The following SCHIP1 variants were observed in gnomAD, a reference collection of about 807,000 sequenced individuals.
The protein encoded by SCHIP1 is schwannomin interacting protein 1.
In SCHIP1, 8 loss-of-function variants were observed where a neutral mutation model predicts 29.7. That is an observed-to-expected ratio of 0.27 (90% CI 0.16 to 0.49). The LOEUF is 0.49. Ranked by LOEUF, SCHIP1 falls within the 20% of genes least tolerant of loss-of-function variation. The probability of loss-of-function intolerance (pLI) is 0.99; values close to 1 mark genes in which losing one functional copy is unlikely to be tolerated. For missense variants in SCHIP1, 193 were observed against 294.6 expected (o/e 0.66, Z 2.52); for synonymous variants, 76 against 94.9 (o/e 0.80, Z 1.16).
chr3:159,594,932 C>T, the SCHIP1 span, among the ~76,000 whole-genome samples: 4 of 151,928 alleles, frequency 2.6e-5, no homozygotes, highest in Middle Eastern at 3.4e-3. Flanking sequence ...CCTGTGTAGA[C>T]CCAGAGCCTA....
the SCHIP1 span, among the ~76,000 whole-genome samples, chr3:159,290,824 A>G: frequency 1.3e-5 from 2 of 152,266 alleles, no homozygotes; most frequent in African/African-American, 4.8e-5. Flanking sequence ...TAATTATCTT[A>G]CTGTTGTAAG....
At chr3:159,342,431 A>C in the SCHIP1 span, among the ~76,000 whole-genome samples, 1 of 152,228 alleles carries the variant, frequency 6.6e-6, no homozygotes, top group African/African-American at 2.4e-5. Context: ...TTACTAAGTC[A>C]GCAGTGTGAA....
the SCHIP1 span, chr3:159,401,133 G>C: frequency 1.0e-6 from 1 of 966,410 alleles, no homozygotes; most frequent in African/African-American, 1.8e-5. Flanking sequence ...TGAGCAACTT[G>C]AAGGCCTCAA....
the SCHIP1 span, among the ~76,000 whole-genome samples, chr3:159,602,863 T>TC: frequency 1.5e-4 from 23 of 152,178 alleles, no homozygotes; most frequent in African/African-American, 5.5e-4. Flanking sequence ...GGGGTATTTT[T>TC]CCCCACACCA....
chr3:159,337,842 T>C, the SCHIP1 span, among the ~76,000 whole-genome samples: 72 of 152,318 alleles, frequency 4.7e-4, no homozygotes, highest in African/African-American at 1.5e-3. Flanking sequence ...AAAATCATTA[T>C]CTTCTTCGTC....
Position 159,870,757 on chromosome 3 carries a change from ATTCTT to A in SCHIP1, c.149+4482_149+4486del, listed in dbSNP as rs367857346. Among the ~76,000 whole-genome samples, 90 of 152,064 alleles carry A rather than the reference ATTCTT, an allele frequency of 5.9e-4. 3 individuals carry two copies. In the South Asian group the frequency reaches 0.018, roughly 30 times the overall value. The stretch of plus-strand genomic sequence containing the variant: ...TTCATGATTGACATGAATCTATTGT[ATTCTT>A]TTCTTCTGACATTTTTGCTTGGTTT... On this transcript the variant is annotated intron_variant, in intron 2 of 6. Coordinates refer to ENST00000445224, the Ensembl canonical transcript of SCHIP1.
At chr3:159,449,153 T>A in the SCHIP1 span, among the ~76,000 whole-genome samples, 2 of 152,376 alleles carry the variant, frequency 1.3e-5, no homozygotes, top group Admixed American at 1.3e-4. Context: ...TAACCTGATG[T>A]CCTTCTGCCT....
chr3:159,692,155 C>T, the SCHIP1 span, among the ~76,000 whole-genome samples: 7 of 151,136 alleles, frequency 4.6e-5, no homozygotes, highest in African/African-American at 9.7e-5. Context: ...CTGCCCTTAA[C>T]ATTTTTTCCT....
chr3:159,703,868 G>A, the SCHIP1 span, among the ~76,000 whole-genome samples: 3 of 152,136 alleles, frequency 2.0e-5, no homozygotes, highest in Admixed American at 2.0e-4. Flanking sequence ...AAGTTCTGAA[G>A]CCTCTATCTC....
chr3:159,652,927 G>C, the SCHIP1 span, among the ~76,000 whole-genome samples: 1 of 152,150 alleles, frequency 6.6e-6, no homozygotes, highest in African/African-American at 2.4e-5. Context: ...GACAAAAATT[G>C]TGTGTTCTCA....
chr3:159,586,717 C>T, the SCHIP1 span, among the ~76,000 whole-genome samples: 1 of 152,118 alleles, frequency 6.6e-6, no homozygotes, highest in African/African-American at 2.4e-5. Flanking sequence ...AATTTCCATG[C>T]TAGGCCTGAG....
chr3:159,459,108 T>G, the SCHIP1 span, among the ~76,000 whole-genome samples: 1 of 152,174 alleles, frequency 6.6e-6, no homozygotes, highest in Non-Finnish European at 1.5e-5. Context: ...TTTTTGATTA[T>G]GCAATATATA....
the SCHIP1 span, among the ~76,000 whole-genome samples, chr3:159,767,004 A>G: frequency 6.6e-6 from 1 of 152,188 alleles, no homozygotes; most frequent in Non-Finnish European, 1.5e-5. Flanking sequence ...CTTCACTTCC[A>G]GCTTTCCTGG....
At chr3:159,330,556 CA>C in the SCHIP1 span, among the ~76,000 whole-genome samples, 1 of 152,062 alleles carries the variant, frequency 6.6e-6, no homozygotes. Flanking sequence ...ATTCCACTGT[CA>C]AAATGACAGA....
the SCHIP1 span, among the ~76,000 whole-genome samples, chr3:159,592,540 G>GC: frequency 6.6e-6 from 1 of 151,476 alleles, no homozygotes; most frequent in African/African-American, 2.4e-5. Context: ...AACACATCGG[G>GC]CCCCTTCCTG....
At chr3:159,752,338 A>AT in the SCHIP1 span, among the ~76,000 whole-genome samples, 4 of 151,746 alleles carry the variant, frequency 2.6e-5, no homozygotes, top group African/African-American at 7.3e-5. Context: ...ATTCCACTAC[A>AT]TTTTTTTTCT....
chr3:159,302,985 C>T, the SCHIP1 span, among the ~76,000 whole-genome samples: 1 of 152,078 alleles, frequency 6.6e-6, no homozygotes. Flanking sequence ...TTATTGAGTG[C>T]TTATATGAGG....
chr3:159,529,056 C>T, the SCHIP1 span, among the ~76,000 whole-genome samples: 1 of 151,934 alleles, frequency 6.6e-6, no homozygotes, highest in Admixed American at 6.6e-5. Context: ...AGTAATAAGT[C>T]TTAGATAATA....
At chr3:159,276,217 A>C in the SCHIP1 span, among the ~76,000 whole-genome samples, 1 of 152,216 alleles carries the variant, frequency 6.6e-6, no homozygotes, top group Admixed American at 6.5e-5. Context: ...CTGTAGAAGC[A>C]ACTCCCCTAG....
Sources: gnomAD v4.1 joint callset for allele counts (sites outside exome capture counted in the v4.1 genomes callset) on GRCh38, gnomAD v4.1.1 for gene constraint, MANE v1.5 for transcripts, NCBI Gene and HGNC (gene_info 2026-07-23, HGNC 2026-07-21) for gene names.